Variants in ANKRD6 observed in about 807,000 individuals in gnomAD.
ANKRD6 encodes the protein ankyrin repeat domain 6, also known as ankyrin repeat domain-containing protein 6.
A neutral mutation model predicts 82.3 loss-of-function variants in ANKRD6; 56 were observed. The observed-to-expected ratio is 0.68, with a 90% CI of 0.55 to 0.85. The LOEUF is 0.85. Among genes scored for constraint, ANKRD6 ranks in the 40% least tolerant of loss-of-function variants. The pLI is 0.00. For missense variants in ANKRD6, 852 were observed against 907.6 expected (o/e 0.94, Z 0.79); for synonymous variants, 347 against 352.1 (o/e 0.99, Z 0.16).
chr6:89,598,780 C>T (rs1249094989), intron 3 of ANKRD6, among the ~76,000 whole-genome samples: 1 of 152,202 alleles, frequency 6.6e-6, no homozygotes, highest in African/African-American at 2.4e-5. Flanking sequence ...TTTCCAGCTA[C>T]AGCATCTTTC....
Position 89,633,482 on chromosome 6 carries a change from T to C in ANKRD6, c.*2478T>C, listed in dbSNP as rs1807804659. The C allele has an allele frequency of 6.6e-6, 1 of 152,238 alleles. No individual in the cohort carries two copies. The highest frequency in any genetic ancestry group is 2.4e-5 in the African/African-American group (1 of 41,448). 9.4% of individuals were successfully genotyped at this position (152,238 alleles called of 1,614,324 possible). ...ACTATTGACAACTTATAGCCTGTCA[T>C]GCAGGTCATGTTTCAAATCAAGGCT... On this transcript the variant is annotated 3_prime_UTR_variant, in exon 16 of 16. Coordinates refer to ENST00000339746, the MANE Select transcript of ANKRD6 (RefSeq NM_001242809.2).
At position 89,631,769 on chromosome 6, in the gene ANKRD6, T is replaced by G. The variant is rs1807454341; in HGVS notation, c.*765T>G. 2 of 152,228 alleles carry G rather than the reference T, an allele frequency of 1.3e-5. No individual in the cohort carries two copies. Among genetic ancestry groups the G allele is most frequent in the African/African-American group, 4.8e-5 (2 of 41,468 alleles). The allele number at this position is 152,228 out of a possible 1,614,324, so 9.4% of individuals were successfully genotyped here. On this transcript the variant is annotated 3_prime_UTR_variant, in exon 16 of 16. Coordinates refer to ENST00000339746, the MANE Select transcript of ANKRD6 (RefSeq NM_001242809.2). ...AAGCAGATTAATGGAAAAAAATTCA[T>G]GTAACAATTACCTGAAAATTTATAA... is the stretch of plus-strand genomic sequence containing the variant.
chr6:89,464,386 C>A (rs559786970), intron 1 of ANKRD6, among the ~76,000 whole-genome samples: 1 of 152,246 alleles, frequency 6.6e-6, no homozygotes, highest in South Asian at 2.1e-4. Context: ...ATACAGAAAA[C>A]GTTTCTTTAG....
At chr6:89,498,144 C>T (rs1269649751) in intron 1 of ANKRD6, among the ~76,000 whole-genome samples, 6 of 152,186 alleles carry the variant, frequency 3.9e-5, no homozygotes, top group Non-Finnish European at 5.9e-5. Context: ...GTACCTCACT[C>T]CCAGATTCAG....
intron 6 of ANKRD6, among the ~76,000 whole-genome samples, chr6:89,612,928 A>G (rs1800585647): frequency 6.6e-6 from 1 of 152,200 alleles, no homozygotes; most frequent in Non-Finnish European, 1.5e-5. Flanking sequence ...AAATAAATAA[A>G]TCTGAGGCTT....
At chr6:89,509,678 C>CCAGG (rs1157429707) in intron 1 of ANKRD6, among the ~76,000 whole-genome samples, 1 of 152,132 alleles carries the variant, frequency 6.6e-6, no homozygotes, top group Non-Finnish European at 1.5e-5. Flanking sequence ...TTAGCACTTG[C>CCAGG]CAGGTACTGT....
At chr6:89,486,245 G>A (rs912045031) in intron 1 of ANKRD6, among the ~76,000 whole-genome samples, 2 of 152,162 alleles carry the variant, frequency 1.3e-5, no homozygotes, top group African/African-American at 2.4e-5. Context: ...GAAACCTGAT[G>A]TGTGGCACTT....
chr6:89,471,336 C>G (rs936342242), intron 1 of ANKRD6, among the ~76,000 whole-genome samples: 115 of 139,864 alleles, frequency 8.2e-4, no homozygotes, highest in African/African-American at 3.0e-3. Context: ...TGGAGTGAGA[C>G]TCTGTCTCAA....
At chr6:89,440,025 C>CTGT (rs1393594616) in intron 1 of ANKRD6, among the ~76,000 whole-genome samples, 3 of 152,132 alleles carry the variant, frequency 2.0e-5, no homozygotes, top group Admixed American at 1.3e-4. Flanking sequence ...ATAAAGTTTC[C>CTGT]TGTTTCATGG....
At chr6:89,485,688 C>T (rs1208026456) in intron 1 of ANKRD6, among the ~76,000 whole-genome samples, 3 of 152,058 alleles carry the variant, frequency 2.0e-5, no homozygotes, top group African/African-American at 2.4e-5. Flanking sequence ...ACAACTCTGA[C>T]GAGGCAGAAG....
At chr6:89,537,998 A>T (rs1040896459) in intron 1 of ANKRD6, among the ~76,000 whole-genome samples, 1 of 152,108 alleles carries the variant, frequency 6.6e-6, no homozygotes, top group Admixed American at 6.6e-5. Flanking sequence ...ATGTCATTTC[A>T]TCCTCAACTA....
chr6:89,482,576 GCTACCCTCTCC>G (rs1182568231), intron 1 of ANKRD6, among the ~76,000 whole-genome samples: 1 of 151,346 alleles, frequency 6.6e-6, no homozygotes, highest in Non-Finnish European at 1.5e-5. Context: ...CACTACGTAG[GCTACCCTCTCC>G]CCAGTCCTGC....
intron 13 of ANKRD6, 114 bp from the exon 14 acceptor site, chr6:89,627,469 A>C: frequency 4.0e-6 from 3 of 747,484 alleles, no homozygotes. Flanking sequence ...AAGGGGTTGA[A>C]GTTTGCATGC....
intron 5 of ANKRD6, among the ~76,000 whole-genome samples, chr6:89,609,341 G>A (rs551764726): frequency 2.0e-5 from 3 of 151,956 alleles, no homozygotes; most frequent in African/African-American, 4.8e-5. Flanking sequence ...CACTCTTGTT[G>A]CCCAGGCTGG....
At chr6:89,549,592 A>G (rs1785545661) in intron 1 of ANKRD6, among the ~76,000 whole-genome samples, 1 of 152,222 alleles carries the variant, frequency 6.6e-6, no homozygotes, top group African/African-American at 2.4e-5. Flanking sequence ...CCTCCCATGC[A>G]TTCAGGTATT....
intron 1 of ANKRD6, among the ~76,000 whole-genome samples, chr6:89,464,973 C>T (rs1320081193): frequency 6.6e-6 from 1 of 152,160 alleles, no homozygotes; most frequent in Non-Finnish European, 1.5e-5. Flanking sequence ...AACAAAGACA[C>T]AACCTGAAAG....
chr6:89,555,790 C>G (rs1483613231), intron 1 of ANKRD6, among the ~76,000 whole-genome samples: 1 of 151,782 alleles, frequency 6.6e-6, no homozygotes, highest in Non-Finnish European at 1.5e-5. Context: ...TTGTATATCT[C>G]TGGACTTTGT....
intron 1 of ANKRD6, among the ~76,000 whole-genome samples, chr6:89,483,173 G>A (rs1292545094): frequency 6.6e-6 from 1 of 152,194 alleles, no homozygotes; most frequent in Admixed American, 6.5e-5. Context: ...CCAGCACAGT[G>A]TCCTTGGATG....
At chr6:89,567,739 A>G (rs1733078165) in intron 2 of ANKRD6, among the ~76,000 whole-genome samples, 1 of 152,262 alleles carries the variant, frequency 6.6e-6, no homozygotes, top group South Asian at 2.1e-4. Flanking sequence ...GCAAGCACTT[A>G]TTGAGCCCTA....
Sources: allele counts gnomAD v4.1 joint callset (sites outside exome capture counted in the v4.1 genomes callset), GRCh38; gene constraint gnomAD v4.1.1; transcripts MANE v1.5; gene names NCBI Gene and HGNC (gene_info 2026-07-23, HGNC 2026-07-21).